ATP2B2: variants seen among roughly 807,000 people sequenced by gnomAD.
ATP2B2 encodes plasma membrane calcium-transporting ATPase 2.
ATP2B2 carries 15 observed loss-of-function variants against 120.0 expected under a neutral mutation model. That is an observed-to-expected ratio of 0.12 (90% CI 0.08 to 0.19). The LOEUF (loss-of-function observed/expected upper bound fraction) is 0.19. ATP2B2 is among the 10% of genes least tolerant of loss of function. ATP2B2 has a pLI of 1.00. For synonymous variants in ATP2B2, 694 were observed against 700.3 expected (o/e 0.99, Z 0.14); for missense variants, 1,045 against 1,719.8 (o/e 0.61, Z 6.94).
intron 2 of ATP2B2, among the ~76,000 whole-genome samples, chr3:10,550,825 G>A (rs763005655): frequency 6.6e-6 from 1 of 152,182 alleles, no homozygotes; most frequent in Admixed American, 6.5e-5. Context: ...GAAGGCGAAG[G>A]GGAAACATTC....
chr3:10,575,391 A>G (rs1205372314), intron 2 of ATP2B2, among the ~76,000 whole-genome samples: 1 of 152,222 alleles, frequency 6.6e-6, no homozygotes, highest in African/African-American at 2.4e-5. Flanking sequence ...AGAAGAGGTC[A>G]TTGGGAAAAT....
At chr3:10,395,284 A>G (rs539110617) in intron 5 of ATP2B2, among the ~76,000 whole-genome samples, 1 of 152,370 alleles carries the variant, frequency 6.6e-6, no homozygotes, top group East Asian at 1.9e-4. Flanking sequence ...AAGAGGCAGG[A>G]CATCCAAGTG....
Position 10,657,552 on chromosome 3 carries a change from G to A in ATP2B2, c.-459-37591C>T, listed in dbSNP as rs559663651. On this transcript the variant is annotated intron_variant, in intron 1 of 21. Coordinates refer to the ATP2B2 transcript ENST00000646379. ...CCAGGCGGCAGCGAGGCTTGGGGAG[G>A]GGGGCCTGCCATTGCTGTGGCTTGA... is the stretch of plus-strand genomic sequence containing the variant. 2.3e-4 allele frequency among the ~76,000 whole-genome samples: 35 copies of A among 152,340 alleles called. 1 individual carries two copies. Among genetic ancestry groups the A allele is most frequent in the Admixed American group, 7.2e-4 (11 of 15,304 alleles).
At chr3:10,639,841 C>A (rs1244976582) in intron 1 of ATP2B2, among the ~76,000 whole-genome samples, 1 of 152,188 alleles carries the variant, frequency 6.6e-6, no homozygotes, top group Non-Finnish European at 1.5e-5. Context: ...CTGCTGATGT[C>A]TCCCATTGCT....
chr3:10,524,490 G>A (rs930313445), intron 3 of ATP2B2, among the ~76,000 whole-genome samples: 1 of 152,122 alleles, frequency 6.6e-6, no homozygotes, highest in Non-Finnish European at 1.5e-5. Flanking sequence ...TTTGATCCCT[G>A]GCAGCTCTGC....
intron 2 of ATP2B2, among the ~76,000 whole-genome samples, chr3:10,591,407 A>T (rs11128517): frequency 0.085 from 12,893 of 152,178 alleles, 742 homozygotes; most frequent in East Asian, 0.33. Flanking sequence ...CAAACACACT[A>T]GCTGACCCCC....
intron 2 of ATP2B2, among the ~76,000 whole-genome samples, chr3:10,611,574 TG>T (rs1257602050): frequency 1.3e-5 from 2 of 152,188 alleles, no homozygotes; most frequent in African/African-American, 4.8e-5. Flanking sequence ...TGGGGGGCAC[TG>T]GGTCCCTCTT....
chr3:10,499,108 A>T (rs1252768824), intron 1 of ATP2B2, among the ~76,000 whole-genome samples: 1 of 152,230 alleles, frequency 6.6e-6, no homozygotes, highest in African/African-American at 2.4e-5. Context: ...ATTTATACTC[A>T]AATCTTTCTG....
chr3:10,549,795 C>T (rs2067629173), intron 2 of ATP2B2, among the ~76,000 whole-genome samples: 1 of 152,142 alleles, frequency 6.6e-6, no homozygotes. Context: ...AGGGAGCTCT[C>T]GGAGTCCAGG....
intron 1 of ATP2B2, among the ~76,000 whole-genome samples, chr3:10,698,161 G>A (rs893916788): frequency 2.0e-5 from 3 of 152,214 alleles, no homozygotes; most frequent in Admixed American, 6.5e-5. Flanking sequence ...TTTAGGCATG[G>A]CCACGTGACC....
intron 22 of ATP2B2, among the ~76,000 whole-genome samples, chr3:10,335,925 G>C (rs2060103060): frequency 6.6e-6 from 1 of 152,150 alleles, no homozygotes; most frequent in Non-Finnish European, 1.5e-5. Context: ...CCCTCTGACT[G>C]ACCCTGGTCC....
intron 3 of ATP2B2, among the ~76,000 whole-genome samples, chr3:10,514,699 T>G (rs888688383): frequency 6.6e-6 from 1 of 152,212 alleles, no homozygotes; most frequent in African/African-American, 2.4e-5. Context: ...TATGTGGGGC[T>G]ACCTTGCTCA....
In ATP2B2 at chr3:10,386,462, G is replaced by C. The variant is rs368641566; in HGVS notation, c.940+18C>G. Reference sequence around the variant, plus strand: ...CTATTTCTAAAAGCCCATCTACCCTGAGGGTGTCTTACTGTACCTGGTAGC... The same window carrying C: ...CTATTTCTAAAAGCCCATCTACCCTCAGGGTGTCTTACTGTACCTGGTAGC... On this transcript the variant is annotated intron_variant, in intron 7 of 22. Coordinates refer to ENST00000360273, the MANE Select transcript of ATP2B2 (RefSeq NM_001001331.4). 13 of 1,613,466 alleles carry C rather than the reference G, an allele frequency of 8.1e-6. No homozygotes were observed. Among genetic ancestry groups the C allele is most frequent in the Non-Finnish European group, 1.1e-5 (13 of 1,179,488 alleles).
chr3:10,622,130 T>C (rs1037600791), intron 1 of ATP2B2, among the ~76,000 whole-genome samples: 3 of 152,060 alleles, frequency 2.0e-5, no homozygotes, highest in Non-Finnish European at 4.4e-5. Flanking sequence ...GGGGCCCCCC[T>C]AGGCTCCCCT....
chr3:10,426,882 G>A (rs1050463625), intron 2 of ATP2B2, among the ~76,000 whole-genome samples: 9 of 150,824 alleles, frequency 6.0e-5, no homozygotes, highest in Non-Finnish European at 1.0e-4. Context: ...TGGGGGTGGG[G>A]GGAAGATGGT....
chr3:10,648,093 T>C (rs748184260), intron 1 of ATP2B2, among the ~76,000 whole-genome samples: 3 of 152,086 alleles, frequency 2.0e-5, no homozygotes, highest in Non-Finnish European at 2.9e-5. Flanking sequence ...GAGAAGGTGA[T>C]TATTGTCAGC....
chr3:10,369,180 G>T lies in ATP2B2; in HGVS notation c.1659+2629C>A, dbSNP rs1184549426. Among the ~76,000 whole-genome samples, 3 of 152,188 alleles carry T rather than the reference G, an allele frequency of 2.0e-5. 1 individual carries two copies. Among genetic ancestry groups the T allele is most frequent in the South Asian group, 4.1e-4 (2 of 4,832 alleles). On this transcript the variant is annotated intron_variant, in intron 12 of 22. Coordinates refer to ENST00000360273, the MANE Select transcript of ATP2B2 (RefSeq NM_001001331.4). ...TGCCCTTCCTGCCCTGTCTCCTCTT[G>T]TATGGGTTCAGAATGTCCTGCAATC...
At chr3:10,478,914 A>T (rs1024903) in intron 1 of ATP2B2, among the ~76,000 whole-genome samples, 66,549 of 151,872 alleles carry the variant, frequency 0.44, 15,871 homozygotes, top group East Asian at 0.99. Context: ...TATTCTCATG[A>T]TAGTGAGTGA....
chr3:10,395,048 G>A (rs1013422755), intron 5 of ATP2B2, among the ~76,000 whole-genome samples: 3 of 152,160 alleles, frequency 2.0e-5, no homozygotes, highest in Admixed American at 2.0e-4. Flanking sequence ...TCTGCTCTGG[G>A]TCTCAGTTTC....
Sources: allele counts gnomAD v4.1 joint callset (sites outside exome capture counted in the v4.1 genomes callset), GRCh38; gene constraint gnomAD v4.1.1; transcripts MANE v1.5; gene names NCBI Gene and HGNC (gene_info 2026-07-23, HGNC 2026-07-21).